GNA14: variants seen among roughly 807,000 people sequenced by gnomAD.
GNA14 encodes the protein guanine nucleotide-binding protein subunit alpha-14.
Under a neutral mutation model 42.0 loss-of-function variants are expected in GNA14, and 50 were observed. That is an observed-to-expected ratio of 1.19 (90% CI 0.95 to 1.51). The LOEUF (loss-of-function observed/expected upper bound fraction) is 1.51, where lower values mean the gene tolerates loss of function less well. Among genes scored for constraint, GNA14 ranks in the 40% most tolerant of loss-of-function variants. The probability of loss-of-function intolerance (pLI) is 0.00; values close to 1 mark genes in which losing one functional copy is unlikely to be tolerated. For missense variants in GNA14, 473 were observed against 446.2 expected (o/e 1.06, Z -0.54); for synonymous variants, 173 against 163.1 (o/e 1.06, Z -0.46).
intron 2 of GNA14, among the ~76,000 whole-genome samples, chr9:77,528,781 A>C (rs1837481203): frequency 6.6e-6 from 1 of 152,194 alleles, no homozygotes; most frequent in Non-Finnish European, 1.5e-5. Flanking sequence ...GGAAAGAGAA[A>C]ATGTATGACT....
chr9:77,471,454 C>A (rs1190509137), intron 2 of GNA14, among the ~76,000 whole-genome samples: 2 of 152,028 alleles, frequency 1.3e-5, no homozygotes, highest in African/African-American at 4.8e-5. Flanking sequence ...AGAGGGGCAA[C>A]ATGACCCATT....
intron 2 of GNA14, among the ~76,000 whole-genome samples, chr9:77,484,749 C>T (rs1490439315): frequency 1.3e-5 from 2 of 151,968 alleles, no homozygotes; most frequent in Non-Finnish European, 2.9e-5. Context: ...TGGTTCCAGG[C>T]CACTGTAATG....
At chr9:77,519,706 G>A (rs1340427233) in intron 2 of GNA14, among the ~76,000 whole-genome samples, 1 of 152,068 alleles carries the variant, frequency 6.6e-6, no homozygotes, top group Admixed American at 6.6e-5. Context: ...ACACTACTTG[G>A]TGATGGTTAC....
At chr9:77,483,204 G>A (rs1836592059) in intron 2 of GNA14, among the ~76,000 whole-genome samples, 2 of 152,230 alleles carry the variant, frequency 1.3e-5, no homozygotes, top group South Asian at 4.1e-4. Flanking sequence ...TTTGGTCTTT[G>A]ATGATGGTGA....
chr9:77,480,049 T>C (rs1461054377), intron 2 of GNA14, among the ~76,000 whole-genome samples: 4 of 152,298 alleles, frequency 2.6e-5, no homozygotes, highest in Middle Eastern at 3.4e-3. Flanking sequence ...TATTTCCTTC[T>C]CCTGCCTGAT....
rs754049521 is a variant in GNA14, at chr9:77,434,389, T to A, written c.443A>T (p.Gln148Leu). The A allele has an allele frequency of 2.5e-6, 4 of 1,614,068 alleles. No individual in the cohort carries two copies. The highest frequency in any genetic ancestry group is 3.4e-6 in the Non-Finnish European group (4 of 1,180,002). ...TCACTATTTGGCAGAGTCCGACAGC[T>A]GGTACTCCCTCCTCCTGTCGTAACA... ...QECYDRRREY[Q>L]LSDSAKYYLT... Residue 148 changes from glutamine to leucine, a missense_variant, in exon 3 of 7, where the codon CAG (glutamine) becomes CTG (leucine). Transcript: ENST00000341700.
intron 2 of GNA14, among the ~76,000 whole-genome samples, chr9:77,480,970 T>A (rs1213376397): frequency 1.3e-5 from 2 of 152,148 alleles, no homozygotes; most frequent in Non-Finnish European, 2.9e-5. Flanking sequence ...TAGTGGTCTA[T>A]CAATTTTGTT....
At chr9:77,498,511 G>C (rs1406125984) in intron 2 of GNA14, among the ~76,000 whole-genome samples, 1 of 152,078 alleles carries the variant, frequency 6.6e-6, no homozygotes, top group African/African-American at 2.4e-5. Context: ...ATACTACATA[G>C]TGAATGGATG....
rs954445347 is a variant in GNA14 at position 77,530,645 on chromosome 9, G to A, written c.125-1392C>T. 5.9e-5 allele frequency among the ~76,000 whole-genome samples: 9 copies of A among 152,214 alleles called. 1 individual carries two copies. The highest frequency in any genetic ancestry group is 5.9e-4 in the Admixed American group (9 of 15,286). On this transcript the variant is annotated intron_variant, in intron 1 of 6. Coordinates refer to ENST00000341700, the MANE Select transcript of GNA14 (RefSeq NM_004297.4). ...GATTTACTCAGAATTGAACTACAAT[G>A]ACCAACTCAATTATTAGAGAAAAAT... is the stretch of plus-strand genomic sequence containing the variant.
At chr9:77,495,401 G>A (rs1836854318) in intron 2 of GNA14, among the ~76,000 whole-genome samples, 2 of 152,090 alleles carry the variant, frequency 1.3e-5, no homozygotes, top group African/African-American at 4.8e-5. Flanking sequence ...TGGTAAGTTG[G>A]AGATAACATG....
chr9:77,629,018 C>A (rs763768507), intron 1 of GNA14, among the ~76,000 whole-genome samples: 1 of 151,910 alleles, frequency 6.6e-6, no homozygotes, highest in African/African-American at 2.4e-5. Flanking sequence ...CCAGAATCTA[C>A]AAGGAATTTA....
intron 1 of GNA14, among the ~76,000 whole-genome samples, chr9:77,542,270 A>C (rs1254228417): frequency 1.3e-5 from 2 of 152,286 alleles, no homozygotes; most frequent in African/African-American, 2.4e-5. Flanking sequence ...GGGTGCATGC[A>C]GTTAGTCCTT....
chr9:77,600,148 C>A (rs1823534145), intron 1 of GNA14, among the ~76,000 whole-genome samples: 1 of 152,130 alleles, frequency 6.6e-6, no homozygotes, highest in Non-Finnish European at 1.5e-5. Flanking sequence ...GTTTGAGGGC[C>A]TTTTCACAAC....
chr9:77,603,520 G>A (rs1195751374), intron 1 of GNA14, among the ~76,000 whole-genome samples: 1 of 152,160 alleles, frequency 6.6e-6, no homozygotes, highest in Non-Finnish European at 1.5e-5. Flanking sequence ...GACATCATTT[G>A]CAGGAGTAGG....
intron 1 of GNA14, among the ~76,000 whole-genome samples, chr9:77,540,153 GT>G (rs1837641037): frequency 6.6e-6 from 1 of 152,038 alleles, no homozygotes; most frequent in Non-Finnish European, 1.5e-5. Context: ...TATCCCACAG[GT>G]TTTGGTAGAT....
chr9:77,463,523 A>G (rs973997825), intron 2 of GNA14, among the ~76,000 whole-genome samples: 3 of 152,196 alleles, frequency 2.0e-5, no homozygotes. Context: ...AAGAAAATGG[A>G]CCTTTATCCT....
At chr9:77,515,196 T>C (rs1318592477) in intron 2 of GNA14, among the ~76,000 whole-genome samples, 1 of 152,206 alleles carries the variant, frequency 6.6e-6, no homozygotes, top group Non-Finnish European at 1.5e-5. Flanking sequence ...TTTGGCAAAC[T>C]GGCCTGCATC....
chr9:77,425,503 A>T, intron 6 of GNA14, 59 bp downstream of exon 6: 1 of 1,344,038 alleles, frequency 7.4e-7, no homozygotes, highest in East Asian at 2.4e-5. Flanking sequence ...CTCTAGACTG[A>T]TGCCCGGGAG....
chr9:77,611,328 C>T (rs1207327506), intron 1 of GNA14, among the ~76,000 whole-genome samples: 1 of 152,166 alleles, frequency 6.6e-6, no homozygotes, highest in Non-Finnish European at 1.5e-5. Flanking sequence ...CCCAAGGGAG[C>T]TACATGGGCA....
Sources: allele counts gnomAD v4.1 joint callset (sites outside exome capture counted in the v4.1 genomes callset), GRCh38; gene constraint gnomAD v4.1.1; transcripts MANE v1.5; gene names NCBI Gene and HGNC (gene_info 2026-07-23, HGNC 2026-07-21).